ITPK1: variants seen among roughly 807,000 people sequenced by gnomAD.
ITPK1 encodes inositol-tetrakisphosphate 1-kinase.
ITPK1 carries 21 observed loss-of-function variants against 45.3 expected under a neutral mutation model. The observed-to-expected ratio is 0.46, with a 90% CI of 0.33 to 0.67. ITPK1 has a LOEUF of 0.67. ITPK1 is among the 30% of genes least tolerant of loss of function. ITPK1 has a pLI of 0.02. For missense variants in ITPK1, 474 were observed against 573.5 expected, an observed-to-expected ratio of 0.83 and a Z score of 1.77; for synonymous variants, 258 against 253.6, an observed-to-expected ratio of 1.02 and a Z score of -0.16.
Position 92,937,723 on chromosome 14 carries a change from C to A in ITPK1, c.*3838G>T, listed in dbSNP as rs1232038899. ...CACCTGAGTCAGGCTTATGCCTGGG[C>A]GGGGCAGATGACTGTGGCATCGGGG... is the stretch of plus-strand genomic sequence containing the variant. On this transcript the variant is annotated 3_prime_UTR_variant, in exon 11 of 11. Coordinates refer to ENST00000267615, the MANE Select transcript of ITPK1 (RefSeq NM_014216.6). 1 of 152,698 alleles carries A rather than the reference C, an allele frequency of 6.5e-6. No homozygotes were observed. Among genetic ancestry groups the A allele is most frequent in the Non-Finnish European group, 1.5e-5 (1 of 68,442 alleles). The allele number at this position is 152,698 out of a possible 1,614,324, so 9.5% of individuals were successfully genotyped here.
chr14:93,086,085 A>T (rs1397920077), intron 2 of ITPK1, among the ~76,000 whole-genome samples: 5 of 152,132 alleles, frequency 3.3e-5, no homozygotes, highest in African/African-American at 1.2e-4. Context: ...GTCATTTAGT[A>T]TCAGCCTAAT....
In ITPK1 at chr14:92,938,534, C is replaced by T; in HGVS notation, c.*3027G>A. The T allele has an allele frequency of 6.2e-7, 1 of 1,611,316 alleles. No individual in the cohort carries two copies. Among genetic ancestry groups the T allele is most frequent in the Middle Eastern group, 1.7e-4 (1 of 6,058 alleles). On this transcript the variant is annotated 3_prime_UTR_variant, in exon 11 of 11. Transcript: ENST00000267615. Reference sequence around the variant, plus strand: ...AGCACACTTGGCAGTCCCCTGGGTACAGAGAGGAATGTTTTTCCCAGGTTG... The same window carrying T: ...AGCACACTTGGCAGTCCCCTGGGTATAGAGAGGAATGTTTTTCCCAGGTTG...
chr14:93,002,879 A>G (rs1887421783), intron 4 of ITPK1, among the ~76,000 whole-genome samples: 1 of 152,080 alleles, frequency 6.6e-6, no homozygotes, highest in Admixed American at 6.6e-5. Context: ...CATGGTCCTC[A>G]CTGGTTGTTT....
chr14:92,971,803 G>A (rs1430286784), intron 5 of ITPK1, among the ~76,000 whole-genome samples: 6 of 152,322 alleles, frequency 3.9e-5, no homozygotes, highest in Admixed American at 6.5e-5. Context: ...TTGCAGGGAC[G>A]CGGTGAGGCC....
chr14:93,063,181 A>G lies in ITPK1; in HGVS notation c.120+13414T>C, dbSNP rs1001459462. On this transcript the variant is annotated intron_variant, in intron 3 of 10. Transcript: ENST00000267615. The surrounding 1 kb of genome is among the most constrained non-coding windows in gnomAD (Gnocchi z 4.3). ...CGGCTGCCGATGATCCTGTCAAAAC[A>G]CTGTAAATAACTTATTTCTACTTGG... Among the ~76,000 whole-genome samples the G allele has an allele frequency of 2.0e-5, 3 of 152,112 alleles. No homozygotes were observed. The highest frequency in any genetic ancestry group is 7.2e-5 in the African/African-American group (3 of 41,418).
In ITPK1 at chr14:92,992,111, C is replaced by T. The variant is rs79294348; in HGVS notation, c.364+1769G>A. ...TCCAAAAGGCCCTTCAGCGGCACCT[C>T]CTCGAATCCCACCCAAACCCATCAC... On this transcript the variant is annotated intron_variant, in intron 5 of 10. Coordinates refer to ENST00000267615, the MANE Select transcript of ITPK1 (RefSeq NM_014216.6). Among the ~76,000 whole-genome samples, 584 of 152,324 alleles carry T rather than the reference C, an allele frequency of 3.8e-3. 12 individuals carry two copies. In the East Asian group the frequency reaches 0.068, roughly 18 times the overall value.
At chr14:92,966,425 T>C (rs1431374227) in intron 5 of ITPK1, among the ~76,000 whole-genome samples, 1 of 152,018 alleles carries the variant, frequency 6.6e-6, no homozygotes, top group Non-Finnish European at 1.5e-5. Flanking sequence ...AACTGCAAAA[T>C]ACCATTGAAA....
intron 3 of ITPK1, among the ~76,000 whole-genome samples, chr14:93,046,733 A>G (rs1329954585): frequency 6.6e-6 from 1 of 152,214 alleles, no homozygotes; most frequent in East Asian, 1.9e-4. Context: ...CTTCTCCCAC[A>G]GCAGATGAAA....
chr14:93,051,900 C>T (rs955978255), intron 3 of ITPK1, among the ~76,000 whole-genome samples: 1 of 152,236 alleles, frequency 6.6e-6, no homozygotes, highest in African/African-American at 2.4e-5. Flanking sequence ...CAGTTTTTGG[C>T]TAAGAAATGC....
intron 3 of ITPK1, among the ~76,000 whole-genome samples, chr14:93,027,474 T>C (rs1888795863): frequency 6.6e-6 from 1 of 152,140 alleles, no homozygotes; most frequent in African/African-American, 2.4e-5. Context: ...ATTATTCCCA[T>C]TGTACAGATG....
intron 3 of ITPK1, among the ~76,000 whole-genome samples, chr14:93,051,031 TG>T (rs1889982108): frequency 6.6e-6 from 1 of 152,138 alleles, no homozygotes; most frequent in Non-Finnish European, 1.5e-5. Flanking sequence ...ATGTGCCCAG[TG>T]CTCAGCACAG....
Position 93,016,747 on chromosome 14 carries a change from T to C in ITPK1, c.175A>G (p.Lys59Glu). Reference protein sequence around the residue: ...EQGPLDVIIHKLTDVILEADQ... With the variant: ...EQGPLDVIIHELTDVILEADQ... Reference sequence around the variant, plus strand: ...GCTTCAAGGATGACGTCAGTCAGCTTGTGGATGATGACGTCCAGGGGGCCC... The same window carrying C: ...GCTTCAAGGATGACGTCAGTCAGCTCGTGGATGATGACGTCCAGGGGGCCC... The change falls in exon 4 of 11, where the codon AAG becomes GAG. Residue 59 changes from lysine (K) to glutamate (E), a missense_variant. Physicochemically the swap from Lys to Glu is moderately conservative, Grantham distance 56 (BLOSUM62 1). This residue lies in a region of ITPK1 where 367 missense variants were observed against 480.6 expected (regional missense o/e 0.76). Coordinates refer to ENST00000267615, the MANE Select transcript of ITPK1 (RefSeq NM_014216.6). This position sits in a 1 kb window ranked among gnomAD's most constrained non-coding sequence, Gnocchi z 5.0. 2 of 1,614,044 alleles carry C rather than the reference T, an allele frequency of 1.2e-6. No individual in the cohort carries two copies. The highest frequency in any genetic ancestry group is 1.7e-6 in the Non-Finnish European group (2 of 1,179,978).
chr14:92,959,709 TA>T (rs869110637), intron 7 of ITPK1, among the ~76,000 whole-genome samples: 6,701 of 141,350 alleles, frequency 0.047, 483 homozygotes, highest in African/African-American at 0.16. Flanking sequence ...AGTTATAGCT[TA>T]AAAAAAAAAA....
chr14:93,002,224 G>A (rs1038090463), intron 4 of ITPK1, among the ~76,000 whole-genome samples: 1 of 152,126 alleles, frequency 6.6e-6, no homozygotes, highest in Non-Finnish European at 1.5e-5. Flanking sequence ...ATGGTGGTGC[G>A]CACCTACTCA....
At chr14:93,048,104 A>G (rs1889857884) in intron 3 of ITPK1, among the ~76,000 whole-genome samples, 1 of 152,108 alleles carries the variant, frequency 6.6e-6, no homozygotes, top group African/African-American at 2.4e-5. Flanking sequence ...GAGGCTTTAC[A>G]TTTTCTCATA....
intron 3 of ITPK1, among the ~76,000 whole-genome samples, chr14:93,028,397 C>T (rs1044899384): frequency 4.6e-5 from 7 of 152,206 alleles, no homozygotes; most frequent in Admixed American, 1.3e-4. Context: ...AGCCTGTTGA[C>T]GAGCTCTCCA....
intron 5 of ITPK1, among the ~76,000 whole-genome samples, chr14:92,973,461 A>G (rs1246061244): frequency 6.6e-6 from 1 of 152,230 alleles, no homozygotes; most frequent in African/African-American, 2.4e-5. Context: ...CTGTGGCAGG[A>G]CTGGAAAGAG....
chr14:93,030,002 T>A (rs927226656), intron 3 of ITPK1, among the ~76,000 whole-genome samples: 1 of 152,318 alleles, frequency 6.6e-6, no homozygotes, highest in African/African-American at 2.4e-5. Context: ...AGCTACCCTG[T>A]CTCTCTGCAC....
At chr14:93,060,610 T>C (rs1056661741) in intron 3 of ITPK1, among the ~76,000 whole-genome samples, 2 of 152,146 alleles carry the variant, frequency 1.3e-5, no homozygotes, top group Non-Finnish European at 2.9e-5. Flanking sequence ...AGGGGGCTGA[T>C]TGTGTGGTAG....
Sources: gnomAD v4.1 joint callset for allele counts (sites outside exome capture counted in the v4.1 genomes callset) on GRCh38, gnomAD v4.1.1 for gene constraint, gnomAD v4.1.1 regional missense constraint, Gnocchi (gnomAD v3.1) non-coding constraint, MANE v1.5 for transcripts, NCBI Gene and HGNC (gene_info 2026-07-23, HGNC 2026-07-21) for gene names.